The following ESR1 variants were observed in gnomAD, a reference collection of about 807,000 sequenced individuals.
The protein encoded by ESR1 is estrogen receptor 1, also known as estrogen receptor.
ESR1 carries 12 observed loss-of-function variants against 52.7 expected under a neutral mutation model. That is an observed-to-expected ratio of 0.23 (90% CI 0.15 to 0.37). The LOEUF is 0.37. ESR1 is among the 10% of genes least tolerant of loss of function. The pLI is 1.00. For missense variants in ESR1, 584 were observed against 779.7 expected (o/e 0.75, Z 2.99); for synonymous variants, 305 against 316.8 (o/e 0.96, Z 0.39).
At chr6:152,035,102 T>G (rs3020427) in intron 5 of ESR1, among the ~76,000 whole-genome samples, 66,795 of 151,930 alleles carry the variant, frequency 0.44, 16,631 homozygotes, top group African/African-American at 0.67. Flanking sequence ...TTCCAGTTTT[T>G]TTTAAACCAT....
chr6:151,676,281 G>A (rs1458737709), intron 1 of ESR1, among the ~76,000 whole-genome samples: 1 of 152,126 alleles, frequency 6.6e-6, no homozygotes. Flanking sequence ...TCTTCCAAGG[G>A]CTATGAAGGG....
intron 2 of ESR1, among the ~76,000 whole-genome samples, chr6:151,752,701 A>G (rs529284798): frequency 6.6e-6 from 1 of 152,322 alleles, no homozygotes; most frequent in Admixed American, 6.5e-5. Context: ...ACTTATTTTA[A>G]CATGTGTTCA....
intron 2 of ESR1, among the ~76,000 whole-genome samples, chr6:151,756,420 G>A (rs889533547): frequency 2.0e-5 from 3 of 152,040 alleles, no homozygotes. Flanking sequence ...GCTAATTTTT[G>A]TATTTTTAGT....
At chr6:151,909,004 CT>C (rs373990543) in intron 3 of ESR1, among the ~76,000 whole-genome samples, 1 of 152,066 alleles carries the variant, frequency 6.6e-6, no homozygotes, top group African/African-American at 2.4e-5. Flanking sequence ...ACATACTGTT[CT>C]GAAAAATCTC....
intron 2 of ESR1, among the ~76,000 whole-genome samples, chr6:151,765,922 C>T (rs1228713432): frequency 6.6e-6 from 1 of 152,144 alleles, no homozygotes. Context: ...TATGCACATC[C>T]GTGTTTTGGA....
At chr6:152,039,026 A>C (rs1490507646) in intron 5 of ESR1, among the ~76,000 whole-genome samples, 1 of 152,216 alleles carries the variant, frequency 6.6e-6, no homozygotes, top group Non-Finnish European at 1.5e-5. Context: ...TACAGGCAGA[A>C]AGATGTTCTT....
At chr6:151,815,815 C>T (rs1779533372) in intron 1 of ESR1, among the ~76,000 whole-genome samples, 1 of 152,218 alleles carries the variant, frequency 6.6e-6, no homozygotes, top group African/African-American at 2.4e-5. Context: ...CCAGCTGAGG[C>T]TGAGCAAGGC....
chr6:151,990,607 G>C (rs2040916031), intron 4 of ESR1, among the ~76,000 whole-genome samples: 1 of 151,526 alleles, frequency 6.6e-6, no homozygotes, highest in Non-Finnish European at 1.5e-5. Context: ...TAGTGACATG[G>C]TGGCCCATAG....
chr6:151,894,576 T>C (rs1010192844), intron 3 of ESR1, among the ~76,000 whole-genome samples: 2 of 152,162 alleles, frequency 1.3e-5, no homozygotes, highest in Admixed American at 1.3e-4. Context: ...AAGTGAGAGA[T>C]GAAGATCCAG....
chr6:151,674,993 A>T (rs1778203350), intron 1 of ESR1, among the ~76,000 whole-genome samples: 1 of 152,226 alleles, frequency 6.6e-6, no homozygotes, highest in Non-Finnish European at 1.5e-5. Flanking sequence ...ATAGCAGTGG[A>T]ATTCCTTGAT....
intron 3 of ESR1, among the ~76,000 whole-genome samples, chr6:151,919,392 T>C (rs1018978365): frequency 1.3e-5 from 2 of 152,208 alleles, no homozygotes; most frequent in Non-Finnish European, 2.9e-5. Flanking sequence ...CAAGATAAGC[T>C]AGAATTTTTG....
At chr6:151,987,992 C>T (rs894627465) in intron 4 of ESR1, among the ~76,000 whole-genome samples, 5 of 152,052 alleles carry the variant, frequency 3.3e-5, no homozygotes, top group Non-Finnish European at 5.9e-5. Flanking sequence ...AAAGCCTAAA[C>T]TCAGTATAGT....
At chr6:151,799,562 A>G (rs889538319), upstream of ESR1, among the ~76,000 whole-genome samples, 1 of 152,204 alleles carries the variant, frequency 6.6e-6, no homozygotes, top group African/African-American at 2.4e-5. Flanking sequence ...CACATCAGGG[A>G]TTGTGCTCAC....
rs553968708 is a variant in ESR1, at chr6:151,968,550, A to T, written c.1096+24042A>T. Among the ~76,000 whole-genome samples the T allele has an allele frequency of 5.9e-5, 9 of 152,054 alleles. No individual in the cohort carries two copies. The South Asian group carries it at 1.9e-3, about 32-fold the overall frequency. ...TGACAAATGGCTAATATCCAGAATG[A>T]TCTCTATTTTATTTTTTATGACATA... is the stretch of plus-strand genomic sequence containing the variant. On this transcript the variant is annotated intron_variant, in intron 4 of 7. Transcript: ENST00000206249.
intron 2 of ESR1, among the ~76,000 whole-genome samples, chr6:151,704,333 G>A (rs997730373): frequency 2.0e-5 from 3 of 152,154 alleles, no homozygotes; most frequent in African/African-American, 7.2e-5. Context: ...TGCCTCCCCG[G>A]TTCAAGCGAT....
At chr6:151,828,844 G>T (rs1382944528) in intron 1 of ESR1, among the ~76,000 whole-genome samples, 1 of 152,210 alleles carries the variant, frequency 6.6e-6, no homozygotes, top group African/African-American at 2.4e-5. Flanking sequence ...AAACTGCACT[G>T]CAGAAGGCTC....
At chr6:151,809,250 C>A in intron 1 of ESR1, 1 of 416,658 alleles carries the variant, frequency 2.4e-6, no homozygotes, top group Non-Finnish European at 5.2e-6. Flanking sequence ...CAGGAGACCA[C>A]TTTGTGACTT....
rs770690488 is a variant in ESR1, at chr6:152,122,622, G to A, written c.851-2644G>A. 2.7e-5 allele frequency: 43 copies of A among 1,614,022 alleles called. No individual in the cohort carries two copies. In the Middle Eastern group the frequency reaches 4.9e-4, roughly 19 times the overall value. On this transcript the variant is annotated intron_variant, in intron 6 of 6. Transcript: ENST00000427531. ...GGACTCTGAACAGGAAGCCGCGGCC[G>A]GACCGACCTGGCCCTGGCTCAGAAA...
At chr6:151,857,542 A>T (rs1481612218) in intron 2 of ESR1, among the ~76,000 whole-genome samples, 6 of 151,182 alleles carry the variant, frequency 4.0e-5, no homozygotes, top group South Asian at 2.1e-4. Context: ...TCTTTTTTTT[A>T]ATTCGAGACC....
Sources: gnomAD v4.1 joint callset for allele counts (sites outside exome capture counted in the v4.1 genomes callset) on GRCh38, gnomAD v4.1.1 for gene constraint, MANE v1.5 for transcripts, NCBI Gene and HGNC (gene_info 2026-07-23, HGNC 2026-07-21) for gene names.